EXOC4: variants seen among roughly 807,000 people sequenced by gnomAD.
The protein encoded by EXOC4 is SEC8-like 1.
A neutral mutation model predicts 107.2 loss-of-function variants in EXOC4; 71 were observed. The ratio of observed to expected loss-of-function variants is 0.66; its 90% CI spans 0.55 to 0.81. EXOC4 has a LOEUF of 0.81. Ranked by LOEUF, EXOC4 falls within the 30% of genes least tolerant of loss-of-function variation. The probability of loss-of-function intolerance (pLI) is 0.00; values close to 1 mark genes in which losing one functional copy is unlikely to be tolerated. For synonymous variants in EXOC4, 456 were observed against 441.2 expected, an observed-to-expected ratio of 1.03 and a Z score of -0.42; for missense variants, 1,108 against 1,189.6, an observed-to-expected ratio of 0.93 and a Z score of 1.01.
At chr7:133,876,221 GGTGTGTGT>G (rs10605200) in intron 11 of EXOC4, among the ~76,000 whole-genome samples, 1,864 of 147,276 alleles carry the variant, frequency 0.013, 41 homozygotes, top group African/African-American at 0.041. Flanking sequence ...AGAATGAAGA[GGTGTGTGT>G]GTGTGTGTGT....
intron 10 of EXOC4, among the ~76,000 whole-genome samples, chr7:133,793,032 G>T (rs979520619): frequency 4.6e-5 from 7 of 151,766 alleles, no homozygotes; most frequent in African/African-American, 1.7e-4. Flanking sequence ...GCTTTTTTTT[G>T]CCATTCTCCT....
intron 9 of EXOC4, among the ~76,000 whole-genome samples, chr7:133,497,090 A>G (rs2150882091): frequency 1.3e-5 from 2 of 152,266 alleles, no homozygotes; most frequent in East Asian, 3.9e-4. Flanking sequence ...TCCATCCTAC[A>G]ACCAAAAGGA....
chr7:133,684,196 C>T (rs1204057962), intron 10 of EXOC4, among the ~76,000 whole-genome samples: 1 of 152,138 alleles, frequency 6.6e-6, no homozygotes, highest in Non-Finnish European at 1.5e-5. Context: ...AAAGATGTCT[C>T]AGGATGTAGT....
chr7:133,424,821 G>A (rs1285701580), intron 7 of EXOC4, among the ~76,000 whole-genome samples: 1 of 152,178 alleles, frequency 6.6e-6, no homozygotes, highest in Non-Finnish European at 1.5e-5. Context: ...TTAAGAGAGA[G>A]GGAGATCAAT....
At chr7:133,604,702 CCTTCTTTCTTTTTT>C (rs1801888896) in intron 9 of EXOC4, among the ~76,000 whole-genome samples, 4 of 113,124 alleles carry the variant, frequency 3.5e-5, no homozygotes, top group African/African-American at 1.4e-4. Context: ...TTCCTTCCTT[CCTTCTTTCTTTTTT>C]TTTTTTTTTT....
At chr7:133,347,679 A>G (rs1430004500) in intron 5 of EXOC4, among the ~76,000 whole-genome samples, 2 of 152,194 alleles carry the variant, frequency 1.3e-5, no homozygotes, top group Admixed American at 6.5e-5. Flanking sequence ...CTTCAATCAC[A>G]GAGATGATTT....
chr7:133,669,004 A>ATTTTTTTTTTTTT (rs58354607), intron 10 of EXOC4, among the ~76,000 whole-genome samples: 1 of 118,450 alleles, frequency 8.4e-6, no homozygotes, highest in African/African-American at 3.1e-5. Context: ...TGTTCTCCCA[A>ATTTTTTTTTTTTT]TTTTTTTTTT....
At chr7:134,072,285 G>A in the EXOC4 span, among the ~76,000 whole-genome samples, 1 of 152,140 alleles carries the variant, frequency 6.6e-6, no homozygotes, top group Non-Finnish European at 1.5e-5. Flanking sequence ...GACAGATTAA[G>A]AAGAAGAAAG....
At chr7:133,956,573 G>A (rs1010289881) in intron 14 of EXOC4, among the ~76,000 whole-genome samples, 7 of 152,222 alleles carry the variant, frequency 4.6e-5, no homozygotes, top group African/African-American at 1.7e-4. Flanking sequence ...TGGCAGCTCA[G>A]TGGGGGCTGC....
intron 10 of EXOC4, among the ~76,000 whole-genome samples, chr7:133,642,893 T>G (rs1802893687): frequency 6.6e-6 from 1 of 152,214 alleles, no homozygotes; most frequent in African/African-American, 2.4e-5. Flanking sequence ...CTACCAACAC[T>G]GACCTTTGAC....
At chr7:133,396,920 T>A (rs932291709) in intron 7 of EXOC4, among the ~76,000 whole-genome samples, 1 of 152,170 alleles carries the variant, frequency 6.6e-6, no homozygotes, top group Non-Finnish European at 1.5e-5. Flanking sequence ...TGAAGTTTGC[T>A]TTTACCTGCA....
At chr7:133,755,222 GTA>G (rs926141045) in intron 10 of EXOC4, among the ~76,000 whole-genome samples, 13 of 102,770 alleles carry the variant, frequency 1.3e-4, no homozygotes, top group East Asian at 2.6e-4. Flanking sequence ...GTGTGTGTGT[GTA>G]TATATATATA....
At chr7:133,652,030 A>G (rs769233497) in intron 10 of EXOC4, among the ~76,000 whole-genome samples, 1 of 152,186 alleles carries the variant, frequency 6.6e-6, no homozygotes, top group Non-Finnish European at 1.5e-5. Context: ...GATTTTCATT[A>G]TTGGCTTAGA....
chr7:134,080,061 C>T, the EXOC4 span, among the ~76,000 whole-genome samples: 3 of 152,108 alleles, frequency 2.0e-5, no homozygotes, highest in African/African-American at 4.8e-5. Flanking sequence ...TAGCTGCAGC[C>T]CCTGACTTAG....
chr7:133,625,366 G>A (rs897181335), intron 9 of EXOC4, among the ~76,000 whole-genome samples: 1 of 152,192 alleles, frequency 6.6e-6, no homozygotes, highest in African/African-American at 2.4e-5. Flanking sequence ...GAATGCTGAC[G>A]CTCAGAGAAT....
chr7:134,027,799 G>A (rs1465652047), intron 17 of EXOC4, among the ~76,000 whole-genome samples: 1 of 152,166 alleles, frequency 6.6e-6, no homozygotes, highest in African/African-American at 2.4e-5. Flanking sequence ...AGATCGTACT[G>A]TCAGAAGCTC....
At chr7:133,868,389 G>A (rs576498839) in intron 11 of EXOC4, among the ~76,000 whole-genome samples, 1 of 152,162 alleles carries the variant, frequency 6.6e-6, no homozygotes, top group Non-Finnish European at 1.5e-5. Flanking sequence ...CAGTATATGT[G>A]AATTCACTTA....
intron 9 of EXOC4, among the ~76,000 whole-genome samples, chr7:133,531,218 A>T (rs1466308827): frequency 6.6e-6 from 1 of 152,166 alleles, no homozygotes. Flanking sequence ...TATTATCTTT[A>T]TAAGACATGG....
At chr7:133,802,485 C>G (rs1254764606) in intron 10 of EXOC4, among the ~76,000 whole-genome samples, 2 of 152,158 alleles carry the variant, frequency 1.3e-5, no homozygotes, top group Non-Finnish European at 2.9e-5. Flanking sequence ...TGTCATGTTT[C>G]AGGTTGTTGC....
Sources: allele counts gnomAD v4.1 joint callset (sites outside exome capture counted in the v4.1 genomes callset), GRCh38; gene constraint gnomAD v4.1.1; transcripts MANE v1.5; gene names NCBI Gene and HGNC (gene_info 2026-07-23, HGNC 2026-07-21).